SLC35D1: variants seen among roughly 807,000 people sequenced by gnomAD.
SLC35D1 encodes nucleotide sugar transporter SLC35D1.
In SLC35D1, 31 loss-of-function variants were observed where a neutral mutation model predicts 46.7. The observed-to-expected ratio is 0.66, with a 90% confidence interval of 0.50 to 0.90. The LOEUF is 0.90. SLC35D1 is among the 40% of genes least tolerant of loss of function. SLC35D1 has a pLI of 0.00. For missense variants in SLC35D1, 397 were observed against 426.2 expected, an observed-to-expected ratio of 0.93 and a Z score of 0.60; for synonymous variants, 195 against 164.6, an observed-to-expected ratio of 1.18 and a Z score of -1.41.
Position 67,000,286 on chromosome 1 carries a change from CTTTTTTT to C in SLC35D1, c.*4047_*4053del, listed in dbSNP as rs377396719. 1 of 136,508 alleles carries C rather than the reference CTTTTTTT, an allele frequency of 7.3e-6. No homozygotes were observed. The highest frequency in any genetic ancestry group is 1.6e-5 in the Non-Finnish European group (1 of 63,316). The allele number at this position is 136,508 out of a possible 1,614,324, so 8.5% of individuals were successfully genotyped here. On this transcript the variant is annotated 3_prime_UTR_variant, in exon 12 of 12. Coordinates refer to ENST00000235345, the MANE Select transcript of SLC35D1 (RefSeq NM_015139.3). ...CTGGCGACAGAGCAAGACCTTCTTT[CTTTTTTT>C]TTTTTTTTTTTAAAAAAAAGGAGGG...
chr1:67,053,701 A>C, intron 1 of SLC35D1, 110 bp downstream of exon 1: 5 of 1,061,224 alleles, frequency 4.7e-6, no homozygotes, highest in Non-Finnish European at 2.5e-6. Context: ...GCTCCCGCCC[A>C]ACTTTGTTCG....
chr1:66,994,649 G>GAAA (rs60025909), downstream of SLC35D1, among the ~76,000 whole-genome samples: 6 of 145,362 alleles, frequency 4.1e-5, no homozygotes, highest in African/African-American at 1.5e-4. Flanking sequence ...GTCTCAAAAA[G>GAAA]AAAAAAAAAA....
At chr1:67,023,886 T>G (rs1667863003) in intron 8 of SLC35D1, among the ~76,000 whole-genome samples, 1 of 152,064 alleles carries the variant, frequency 6.6e-6, no homozygotes, top group Non-Finnish European at 1.5e-5. Context: ...ACACATATGC[T>G]ATACACACAC....
At chr1:66,978,376 G>T in the SLC35D1 span, among the ~76,000 whole-genome samples, 1 of 152,244 alleles carries the variant, frequency 6.6e-6, no homozygotes, top group East Asian at 1.9e-4. Flanking sequence ...AAATGGGTAT[G>T]ATTCACCCTT....
intron 10 of SLC35D1, among the ~76,000 whole-genome samples, chr1:67,010,610 C>G (rs551143129): frequency 4.3e-4 from 65 of 152,200 alleles, no homozygotes; most frequent in Admixed American, 2.4e-3. Context: ...ATACTTGGGA[C>G]CTGAAATATT....
In SLC35D1 at chr1:67,037,295, A is replaced by G. The variant is rs114588120; in HGVS notation, c.729+4941T>C. Among the ~76,000 whole-genome samples the G allele has an allele frequency of 4.5e-3, 677 of 151,584 alleles. 3 individuals are homozygous for G. The highest frequency in any genetic ancestry group is 0.016 in the African/African-American group (645 of 40,870). ...TTTAGTTAAATAAAAATATTTGAAAAAATTTTTAATTTTAAAAATGTGGGT... is the reference window on the plus strand; with the variant it reads ...TTTAGTTAAATAAAAATATTTGAAAGAATTTTTAATTTTAAAAATGTGGGT... On this transcript the variant is annotated intron_variant, in intron 8 of 11. Transcript: ENST00000235345.
At chr1:66,990,430 G>A in the SLC35D1 span, among the ~76,000 whole-genome samples, 13 of 151,928 alleles carry the variant, frequency 8.6e-5, no homozygotes, top group African/African-American at 2.4e-4. Flanking sequence ...GCGCCACCAC[G>A]CCCTAATTTT....
chr1:66,986,222 A>G, the SLC35D1 span: 2 of 1,272,582 alleles, frequency 1.6e-6, no homozygotes, highest in Non-Finnish European at 2.0e-6. Context: ...AAAATAAGAT[A>G]CACAATAATC....
intron 7 of SLC35D1, among the ~76,000 whole-genome samples, chr1:67,045,125 G>A (rs1390779485): frequency 6.6e-6 from 1 of 152,076 alleles, no homozygotes; most frequent in African/African-American, 2.4e-5. Flanking sequence ...TATGCATGGA[G>A]GCACACATAC....
At chr1:67,019,010 T>G (rs191133204) in intron 10 of SLC35D1, among the ~76,000 whole-genome samples, 31 of 152,272 alleles carry the variant, frequency 2.0e-4, no homozygotes, top group African/African-American at 4.3e-4. Context: ...CTGGAATGAG[T>G]AAATCCATGG....
the SLC35D1 span, chr1:66,984,585 T>G: frequency 6.3e-7 from 1 of 1,593,578 alleles, no homozygotes; most frequent in Non-Finnish European, 8.5e-7. Flanking sequence ...TGTCATCTAA[T>G]GGACCAGGTG....
intron 10 of SLC35D1, among the ~76,000 whole-genome samples, chr1:67,011,982 T>C (rs1667574848): frequency 6.6e-6 from 1 of 152,234 alleles, no homozygotes; most frequent in Non-Finnish European, 1.5e-5. Flanking sequence ...GAGGTTCTCT[T>C]GTCATTTTGT....
intron 11 of SLC35D1, chr1:67,008,436 T>C: frequency 3.1e-6 from 4 of 1,288,594 alleles, no homozygotes; most frequent in Non-Finnish European, 4.0e-6. Context: ...GAGACCTCTG[T>C]GGCAGATACA....
intron 7 of SLC35D1, among the ~76,000 whole-genome samples, chr1:67,044,416 C>A (rs1252039698): frequency 6.6e-6 from 1 of 151,424 alleles, no homozygotes; most frequent in African/African-American, 2.4e-5. Context: ...CATTACACAG[C>A]CACTAAAAAT....
intron 6 of SLC35D1, among the ~76,000 whole-genome samples, chr1:67,048,437 T>A (rs984697125): frequency 3.9e-5 from 6 of 152,182 alleles, no homozygotes; most frequent in African/African-American, 1.4e-4. Flanking sequence ...TAGCATAGAA[T>A]TTTTCTCCAA....
intron 8 of SLC35D1, among the ~76,000 whole-genome samples, chr1:67,040,489 A>C (rs148937281): frequency 1.3e-5 from 2 of 152,200 alleles, no homozygotes; most frequent in East Asian, 3.9e-4. Flanking sequence ...TAAGAGGCTC[A>C]AACCAGATGC....
At chr1:66,993,656 C>CT in the SLC35D1 span, among the ~76,000 whole-genome samples, 11 of 152,152 alleles carry the variant, frequency 7.2e-5, no homozygotes, top group South Asian at 2.1e-4. Context: ...CAAAGACTGT[C>CT]TCACAAATAC....
At chr1:67,023,733 G>GC (rs1013838884) in intron 8 of SLC35D1, among the ~76,000 whole-genome samples, 20 of 151,790 alleles carry the variant, frequency 1.3e-4, no homozygotes, top group Non-Finnish European at 1.5e-4. Context: ...TGATCCGCCC[G>GC]CCCTAGCTTC....
chr1:67,016,058 T>C (rs572605510), intron 10 of SLC35D1, among the ~76,000 whole-genome samples: 3 of 152,210 alleles, frequency 2.0e-5, no homozygotes, highest in South Asian at 2.1e-4. Context: ...TTATTTAGTA[T>C]GTTAAAATCA....
Sources: gnomAD v4.1 joint callset for allele counts (sites outside exome capture counted in the v4.1 genomes callset) on GRCh38, gnomAD v4.1.1 for gene constraint, MANE v1.5 for transcripts, NCBI Gene and HGNC (gene_info 2026-07-23, HGNC 2026-07-21) for gene names.